Variants in FARP2 observed in about 807,000 individuals in gnomAD.
The protein encoded by FARP2 is FERM, ARHGEF and pleckstrin domain-containing protein 2.
A neutral mutation model predicts 130.5 loss-of-function variants in FARP2; 111 were observed. The observed-to-expected ratio is 0.85, with a 90% CI of 0.73 to 1.00. The LOEUF (loss-of-function observed/expected upper bound fraction) is 1.00. Ranked by LOEUF, FARP2 falls within the 50% of genes least tolerant of loss-of-function variation. The pLI is 0.00. For synonymous variants in FARP2, 504 were observed against 516.9 expected (o/e 0.98, Z 0.34); for missense variants, 1,385 against 1,346.3 (o/e 1.03, Z -0.45).
intron 19 of FARP2, chr2:241,477,857 T>C (rs375823326): frequency 2.6e-5 from 4 of 152,912 alleles, no homozygotes; most frequent in South Asian, 4.1e-4. Flanking sequence ...TGTAGGCCTT[T>C]TTTGGAGAAA....
chr2:241,436,461 G>A lies in FARP2; in HGVS notation c.1101-20G>A, dbSNP rs1328462756. 7 of 1,613,788 alleles carry A rather than the reference G, an allele frequency of 4.3e-6. No individual in the cohort carries two copies. Among genetic ancestry groups the A allele is most frequent in the Non-Finnish European group, 5.1e-6 (6 of 1,179,796 alleles). On this transcript the variant is annotated intron_variant, in intron 11 of 26. Transcript: ENST00000264042. ...GAAGGGGAGGGCTTGGTTTCTCACAGCTCGTCCTCTGTTTTGCAGAAGGCA... is the reference window on the plus strand; with the variant it reads ...GAAGGGGAGGGCTTGGTTTCTCACAACTCGTCCTCTGTTTTGCAGAAGGCA...
chr2:241,365,021 G>T (rs1408025486), intron 1 of FARP2, among the ~76,000 whole-genome samples: 1 of 152,180 alleles, frequency 6.6e-6, no homozygotes, highest in East Asian at 1.9e-4. Context: ...CGTTTTCAAG[G>T]CTGTAGTTTC....
chr2:241,465,644 G>A (rs750946027), intron 17 of FARP2: 71 of 1,550,640 alleles, frequency 4.6e-5, no homozygotes, highest in Non-Finnish European at 5.8e-5. Context: ...CTTGCTTAAC[G>A]TGCCTGGAAC....
At chr2:241,379,970 C>G (rs2061622825) in intron 2 of FARP2, among the ~76,000 whole-genome samples, 1 of 152,138 alleles carries the variant, frequency 6.6e-6, no homozygotes. Context: ...TCTTAGTTTT[C>G]CAGTGGTGAT....
intron 21 of FARP2, chr2:241,488,622 G>T (rs375523450): frequency 6.6e-6 from 1 of 151,928 alleles, no homozygotes; most frequent in Non-Finnish European, 1.5e-5. Context: ...GGATGGTCTC[G>T]ATCTCCTGAC....
intron 4 of FARP2, among the ~76,000 whole-genome samples, chr2:241,407,175 A>T (rs1169383864): frequency 3.3e-5 from 5 of 152,132 alleles, no homozygotes; most frequent in Non-Finnish European, 5.9e-5. Flanking sequence ...TTCTATATAT[A>T]TATGTGATTG....
chr2:241,400,119 G>A (rs556571550), intron 2 of FARP2, among the ~76,000 whole-genome samples: 6 of 152,278 alleles, frequency 3.9e-5, no homozygotes, highest in African/African-American at 1.4e-4. Context: ...AGTCAGGCAG[G>A]GCTCCTGGAG....
chr2:241,436,711 G>A (rs1028135265), intron 12 of FARP2, among the ~76,000 whole-genome samples, 173 bp downstream of exon 12: 1 of 152,216 alleles, frequency 6.6e-6, no homozygotes, highest in Admixed American at 6.5e-5. Flanking sequence ...AGCCAGCAGG[G>A]CAGTGGCCCA....
intron 24 of FARP2, among the ~76,000 whole-genome samples, chr2:241,492,169 C>T (rs1310445530): frequency 6.6e-6 from 1 of 152,206 alleles, no homozygotes; most frequent in Non-Finnish European, 1.5e-5. Context: ...CTTACTCCAC[C>T]CAGAGCTCTT....
At chr2:241,434,865 T>G in intron 10 of FARP2, 97 bp from the exon 11 acceptor site, 162 of 780,134 alleles carry the variant, frequency 2.1e-4, no homozygotes, top group East Asian at 4.6e-4. Flanking sequence ...TGTATATTTA[T>G]GAGAGAGGAT....
At chr2:241,466,550 C>G in intron 17 of FARP2, 1 of 985,428 alleles carries the variant, frequency 1.0e-6, no homozygotes, top group Non-Finnish European at 1.2e-6. Flanking sequence ...CAGGGCTTGG[C>G]CACTTCCACC....
chr2:241,423,774 CA>C (rs1279571786), intron 8 of FARP2, among the ~76,000 whole-genome samples: 2 of 152,022 alleles, frequency 1.3e-5, no homozygotes, highest in African/African-American at 2.4e-5. Flanking sequence ...TAAAATTTAC[CA>C]AGCAAATGGA....
At chr2:241,465,741 C>T (rs1678855295) in intron 17 of FARP2, 2 of 1,550,794 alleles carry the variant, frequency 1.3e-6, no homozygotes, top group Non-Finnish European at 1.7e-6. Flanking sequence ...GAAGCTGAGC[C>T]ACAGTGACGA....
In FARP2 at chr2:241,468,357, A is replaced by G. The variant is rs762667013; in HGVS notation, c.2111A>G (p.His704Arg). The G allele has an allele frequency of 1.9e-6, 3 of 1,612,880 alleles. No homozygotes were observed. In the Admixed American group the frequency reaches 5.0e-5, roughly 27 times the overall value. Residue 704 changes from histidine (H) to arginine (R), a missense_variant, in exon 18 of 27, where the codon CAT becomes CGT. Coordinates refer to ENST00000264042, the MANE Select transcript of FARP2 (RefSeq NM_014808.4). ...TGCGGACATTACAGCCCCGGGCACC[A>G]TGACTACGCTGACTGCCATGGTGAG... ...RLCGHYSPGHHDYADCHDALK... is the reference protein window; with the variant it reads ...RLCGHYSPGHRDYADCHDALK...
chr2:241,485,304 T>C (rs1254265555), intron 21 of FARP2, among the ~76,000 whole-genome samples: 1 of 150,928 alleles, frequency 6.6e-6, no homozygotes, highest in Non-Finnish European at 1.5e-5. Flanking sequence ...CCTCCCTCCC[T>C]GGGATCTTCC....
intron 2 of FARP2, among the ~76,000 whole-genome samples, chr2:241,399,315 T>C (rs985787180): frequency 2.0e-5 from 3 of 152,220 alleles, no homozygotes; most frequent in Non-Finnish European, 2.9e-5. Context: ...GGTTTGTTTG[T>C]TTGTTTTTGA....
At position 241,491,262 on chromosome 2, in the gene FARP2, T is replaced by C. The variant is rs539031568; in HGVS notation, c.2623+83T>C. ...TGGAAACTGTTTTCCTTGGTCCCCATTGGCCCGCTAAGTTCCCACACAATC... is the reference window on the plus strand; with the variant it reads ...TGGAAACTGTTTTCCTTGGTCCCCACTGGCCCGCTAAGTTCCCACACAATC... On this transcript the variant is annotated intron_variant, in intron 23 of 26. Coordinates refer to ENST00000264042, the MANE Select transcript of FARP2 (RefSeq NM_014808.4). 43 of 1,046,048 alleles carry C rather than the reference T, an allele frequency of 4.1e-5. No individual in the cohort carries two copies. In the African/African-American group the frequency reaches 6.5e-4, roughly 16 times the overall value. The allele number at this position is 1,046,048 out of a possible 1,614,324, so 64.8% of individuals were successfully genotyped here.
At chr2:241,461,729 C>T (rs1025107367) in intron 14 of FARP2, among the ~76,000 whole-genome samples, 7 of 152,218 alleles carry the variant, frequency 4.6e-5, no homozygotes, top group African/African-American at 1.7e-4. Flanking sequence ...TGAAGCTGGC[C>T]ACAGTCTGGA....
rs569017054 is a variant in FARP2 at position 241,474,221 on chromosome 2, G to A, written c.2132-1636G>A. Reference sequence around the variant, plus strand: ...CTCGGGAGGCTGAGGCAGGAGAATGGCATGAACCCGGGAGGCGGAGCTGAG... The same window carrying A: ...CTCGGGAGGCTGAGGCAGGAGAATGACATGAACCCGGGAGGCGGAGCTGAG... On this transcript the variant is annotated intron_variant, in intron 18 of 26. Transcript: ENST00000264042. 5.5e-5 allele frequency among the ~76,000 whole-genome samples: 8 copies of A among 144,440 alleles called. No homozygotes were observed. The East Asian group carries it at 1.8e-3, about 32-fold the overall frequency. 94.8% of individuals were successfully genotyped at this position (144,440 alleles called of 152,430 possible).
Sources: allele counts gnomAD v4.1 joint callset (sites outside exome capture counted in the v4.1 genomes callset), GRCh38; gene constraint gnomAD v4.1.1; transcripts MANE v1.5; gene names NCBI Gene and HGNC (gene_info 2026-07-23, HGNC 2026-07-21).